MAML2: variants seen among roughly 807,000 people sequenced by gnomAD.
The protein encoded by MAML2 is mastermind like transcriptional coactivator 2.
A neutral mutation model predicts 96.1 loss-of-function variants in MAML2; 22 were observed. The observed-to-expected ratio is 0.23, with a 90% CI of 0.16 to 0.33. MAML2 has a LOEUF of 0.33. MAML2 is among the 10% of genes least tolerant of loss of function. The pLI, the probability that MAML2 is intolerant of heterozygous loss-of-function variation, is 1.00. For missense variants in MAML2, 1,367 were observed against 1,392.4 expected, an observed-to-expected ratio of 0.98 and a Z score of 0.29; for synonymous variants, 561 against 521.3, an observed-to-expected ratio of 1.08 and a Z score of -1.04.
At chr11:96,057,359 C>T (rs998525974) in intron 2 of MAML2, among the ~76,000 whole-genome samples, 1 of 152,182 alleles carries the variant, frequency 6.6e-6, no homozygotes, top group Non-Finnish European at 1.5e-5. Flanking sequence ...AAAATAACGT[C>T]ATTTATCCAT....
chr11:96,023,130 G>C (rs970223012), intron 2 of MAML2, among the ~76,000 whole-genome samples: 1 of 152,174 alleles, frequency 6.6e-6, no homozygotes, highest in Non-Finnish European at 1.5e-5. Flanking sequence ...CAGTGGGCAG[G>C]CTGGAATGGA....
chr11:96,316,992 T>C (rs1863641996), intron 1 of MAML2, among the ~76,000 whole-genome samples: 1 of 152,172 alleles, frequency 6.6e-6, no homozygotes, highest in Non-Finnish European at 1.5e-5. Flanking sequence ...GGACACTTTA[T>C]TTAAGAGTTA....
chr11:96,027,743 A>G (rs1363783876), intron 2 of MAML2, among the ~76,000 whole-genome samples: 5 of 152,106 alleles, frequency 3.3e-5, no homozygotes, highest in South Asian at 2.1e-4. Flanking sequence ...GTTTTATTTT[A>G]CTTTTTGAGA....
At chr11:96,097,572 A>C (rs917469528) in intron 1 of MAML2, among the ~76,000 whole-genome samples, 3 of 152,242 alleles carry the variant, frequency 2.0e-5, no homozygotes, top group Non-Finnish European at 2.9e-5. Context: ...CCAATTAGGC[A>C]TGGGACACAC....
chr11:96,044,201 C>A (rs1215126981), intron 2 of MAML2, among the ~76,000 whole-genome samples: 2 of 152,212 alleles, frequency 1.3e-5, no homozygotes, highest in African/African-American at 4.8e-5. Flanking sequence ...GCTGGGGTAT[C>A]TGGCTGGGCA....
chr11:96,077,219 C>CTTTTTTTTTTTT (rs371672772), intron 2 of MAML2, among the ~76,000 whole-genome samples: 3 of 94,120 alleles, frequency 3.2e-5, no homozygotes, highest in African/African-American at 1.3e-4. Flanking sequence ...CTCTCTCTCT[C>CTTTTTTTTTTTT]TTTTTTTTTT....
chr11:96,070,175 A>G (rs962449404), intron 2 of MAML2, among the ~76,000 whole-genome samples: 2 of 152,096 alleles, frequency 1.3e-5, no homozygotes, highest in African/African-American at 2.4e-5. Context: ...CTGTAGTCCC[A>G]GCTACTCGGG....
intron 1 of MAML2, among the ~76,000 whole-genome samples, chr11:96,207,423 T>G (rs1457603598): frequency 6.6e-6 from 1 of 152,212 alleles, no homozygotes; most frequent in Non-Finnish European, 1.5e-5. Flanking sequence ...TGAAGTTGAT[T>G]ATAAACAAAT....
intron 1 of MAML2, among the ~76,000 whole-genome samples, chr11:96,206,364 G>A (rs568588868): frequency 7.2e-5 from 11 of 152,284 alleles, no homozygotes; most frequent in South Asian, 2.1e-4. Flanking sequence ...TTGGGAGGCC[G>A]AGGCGGGCAG....
chr11:95,987,457 C>T (rs1276521435), intron 3 of MAML2, among the ~76,000 whole-genome samples: 28 of 152,026 alleles, frequency 1.8e-4, no homozygotes, highest in Admixed American at 1.8e-3. Flanking sequence ...GTATGCATCC[C>T]AAAGCAATCT....
In MAML2 at chr11:96,217,631, G is replaced by A. The variant is rs543695585; in HGVS notation, c.513+123752C>T. ...AGAATAAGACAGGACAGAGAAGCTT[G>A]TAGGAGTAGGTGAAGGTGAATAATG... On this transcript the variant is annotated intron_variant, in intron 1 of 4. Coordinates refer to ENST00000524717, the MANE Select transcript of MAML2 (RefSeq NM_032427.4). Among the ~76,000 whole-genome samples the A allele has an allele frequency of 5.9e-5, 9 of 152,220 alleles. No individual in the cohort carries two copies. In the South Asian group the frequency reaches 1.9e-3, roughly 31 times the overall value.
intron 1 of MAML2, among the ~76,000 whole-genome samples, chr11:96,296,240 T>C (rs1863297295): frequency 1.3e-5 from 2 of 152,066 alleles, no homozygotes; most frequent in African/African-American, 4.8e-5. Context: ...ACTGACAAAT[T>C]TGATTTTGTG....
chr11:96,033,814 G>T (rs964804502), intron 2 of MAML2, among the ~76,000 whole-genome samples: 4 of 152,116 alleles, frequency 2.6e-5, no homozygotes, highest in Non-Finnish European at 5.9e-5. Context: ...GAGAGCTCTT[G>T]GAAGGGAGAT....
chr11:96,157,895 C>T (rs1413909099), intron 1 of MAML2, among the ~76,000 whole-genome samples: 1 of 152,140 alleles, frequency 6.6e-6, no homozygotes. Flanking sequence ...TTTAAGATTA[C>T]ATTTTGTTTT....
rs370682978 is a variant in MAML2, at chr11:96,211,365, G to C, written c.514-117848C>G. Reference sequence around the variant, plus strand: ...TATTCCTCTGATCTTAATAATTGTCGTAAGTACATTACTTCAACAACTATT... The same window carrying C: ...TATTCCTCTGATCTTAATAATTGTCCTAAGTACATTACTTCAACAACTATT... On this transcript the variant is annotated intron_variant, in intron 1 of 4. Transcript: ENST00000524717. Among the ~76,000 whole-genome samples, 31 of 150,946 alleles carry C rather than the reference G, an allele frequency of 2.1e-4. 1 individual carries two copies. In the East Asian group the frequency reaches 4.1e-3, roughly 20 times the overall value.
chr11:96,272,581 T>C (rs1186347090), intron 1 of MAML2, among the ~76,000 whole-genome samples: 2 of 152,222 alleles, frequency 1.3e-5, no homozygotes, highest in Admixed American at 6.5e-5. Flanking sequence ...CAGATTTAGA[T>C]ACTATATACT....
intron 1 of MAML2, among the ~76,000 whole-genome samples, chr11:96,163,825 A>G (rs1309689866): frequency 1.3e-5 from 2 of 151,160 alleles, no homozygotes; most frequent in African/African-American, 4.9e-5. Flanking sequence ...AGGATATTCT[A>G]TCTTCTGAAG....
At chr11:96,307,551 C>T (rs1254317221) in intron 1 of MAML2, among the ~76,000 whole-genome samples, 4 of 152,092 alleles carry the variant, frequency 2.6e-5, no homozygotes, top group Non-Finnish European at 5.9e-5. Context: ...GGGGAAATGC[C>T]ATCTTAAAGC....
At chr11:96,019,306 T>C (rs774114097) in intron 2 of MAML2, among the ~76,000 whole-genome samples, 5 of 152,194 alleles carry the variant, frequency 3.3e-5, no homozygotes, top group African/African-American at 2.4e-5. Flanking sequence ...TAAGTGTGGC[T>C]AGTGAAGTTA....
Sources: allele counts gnomAD v4.1 joint callset (sites outside exome capture counted in the v4.1 genomes callset), GRCh38; gene constraint gnomAD v4.1.1; transcripts MANE v1.5; gene names NCBI Gene and HGNC (gene_info 2026-07-23, HGNC 2026-07-21).